JRK: variants seen among roughly 807,000 people sequenced by gnomAD.
JRK encodes jerky protein homolog.
For synonymous variants in JRK, 303 were observed against 218.1 expected (o/e 1.39, Z -3.43); for missense variants, 720 against 509.2 (o/e 1.41, Z -3.98).
At chr8:142,654,584 C>T (rs372594248), downstream of JRK, among the ~76,000 whole-genome samples, 6 of 151,994 alleles carry the variant, frequency 3.9e-5, no homozygotes, top group Admixed American at 1.3e-4. Flanking sequence ...GGAGCACAGA[C>T]TCCCACCAGC....
Position 142,663,171 on chromosome 8 carries a change from T to C in JRK, c.*1181A>G. 2 of 985,318 alleles carry C rather than the reference T, an allele frequency of 2.0e-6. No individual in the cohort carries two copies. Among genetic ancestry groups the C allele is most frequent in the Non-Finnish European group, 2.4e-6 (2 of 829,922 alleles). 61.0% of individuals were successfully genotyped at this position (985,318 alleles called of 1,614,324 possible). Reference sequence around the variant, plus strand: ...CTGCCTCAAGAAAAGAAAAGGACAATGCACCTATTTTATGCTCGCTGAAAG... The same window carrying C: ...CTGCCTCAAGAAAAGAAAAGGACAACGCACCTATTTTATGCTCGCTGAAAG... On this transcript the variant is annotated 3_prime_UTR_variant, in exon 2 of 2. Transcript: ENST00000612905.
chr8:142,651,395 G>GA, the JRK span, among the ~76,000 whole-genome samples: 610 of 135,996 alleles, frequency 4.5e-3, 4 homozygotes, highest in African/African-American at 8.4e-3. Flanking sequence ...TGTCATGCTG[G>GA]AAAAAAAAAA....
chr8:142,647,662 T>A, the JRK span, among the ~76,000 whole-genome samples: 2 of 152,214 alleles, frequency 1.3e-5, no homozygotes, highest in East Asian at 3.8e-4. Flanking sequence ...TCCATTAAAC[T>A]TCTTCCATTT....
downstream of JRK, among the ~76,000 whole-genome samples, chr8:142,654,502 G>T (rs1846715326): frequency 6.6e-6 from 1 of 151,870 alleles, no homozygotes; most frequent in Non-Finnish European, 1.5e-5. Context: ...GTCTTGGTGG[G>T]ATCCTGTCAC....
chr8:142,651,364 G>C, the JRK span, among the ~76,000 whole-genome samples: 1 of 150,290 alleles, frequency 6.7e-6, no homozygotes. Flanking sequence ...GAAAGGACTT[G>C]ATTTAGGAAC....
At position 142,664,374 on chromosome 8, in the gene JRK, G is replaced by A. The variant is rs1847015285; in HGVS notation, c.1685C>T (p.Ser562Leu). 1 of 1,570,808 alleles carries A rather than the reference G, an allele frequency of 6.4e-7. No individual in the cohort carries two copies. Among genetic ancestry groups the A allele is most frequent in the Non-Finnish European group, 8.7e-7 (1 of 1,154,954 alleles). The change falls in exon 2 of 2, where the codon TCA (serine) becomes TTA (leucine). Residue 562 changes from serine to leucine, a missense_variant. Coordinates refer to ENST00000612905, the MANE Select transcript of JRK (RefSeq NM_003724.4). ...CCATCAGTTGTCACCTGCTGTGGAT[G>A]AGCAGGGCAAGGGAGACTGAGCTGT... The part of the protein sequence containing the change: ...GATAQSPLPC[S>L]STAGDN
chr8:142,659,298 T>C lies in JRK; in HGVS notation c.*5054A>G, dbSNP rs1587515097. 9.5e-7 allele frequency: 1 copy of C among 1,047,312 alleles called. No homozygotes were observed. Among genetic ancestry groups the C allele is most frequent in the Non-Finnish European group, 1.2e-6 (1 of 867,568 alleles). 64.9% of individuals were successfully genotyped at this position (1,047,312 alleles called of 1,614,324 possible). On this transcript the variant is annotated 3_prime_UTR_variant, in exon 2 of 2. Transcript: ENST00000612905. ...TGGCTTAGGACCAGGGCAAGACGCC[T>C]GACCCCAGAGCAGACCATGCTGACA...
At chr8:142,667,841 T>C (rs1472908010) in intron 1 of JRK, among the ~76,000 whole-genome samples, 1 of 152,112 alleles carries the variant, frequency 6.6e-6, no homozygotes, top group African/African-American at 2.4e-5. Flanking sequence ...AGGTGGACAA[T>C]TTCACCCTCT....
At chr8:142,646,683 G>C in the JRK span, among the ~76,000 whole-genome samples, 2 of 152,086 alleles carry the variant, frequency 1.3e-5, no homozygotes, top group Non-Finnish European at 1.5e-5. Flanking sequence ...TTTTACTTAA[G>C]TTACATAAAC....
rs193268699 is a variant in JRK at position 142,662,506 on chromosome 8, T to C, written c.*1846A>G. On this transcript the variant is annotated 3_prime_UTR_variant, in exon 2 of 2. Transcript: ENST00000612905. ...GTTCCCCAGACAATGAAGCAAACAG[T>C]GCGGGTGACACCACAAAGACAATGG... 3 of 985,410 alleles carry C rather than the reference T, an allele frequency of 3.0e-6. No individual in the cohort carries two copies. The East Asian group carries it at 3.4e-4, about 112-fold the overall frequency. 61.0% of individuals were successfully genotyped at this position (985,410 alleles called of 1,614,324 possible). A position where few individuals can be genotyped will look rare whatever the true frequency, so the allele number is the denominator to read the frequency against.
Position 142,662,820 on chromosome 8 carries a change from G to A in JRK, c.*1532C>T, listed in dbSNP as rs1362631101. 2.3e-5 allele frequency: 23 copies of A among 985,288 alleles called. No individual in the cohort carries two copies. The highest frequency in any genetic ancestry group is 1.1e-5 in the Non-Finnish European group (9 of 829,916). The allele number at this position is 985,288 out of a possible 1,614,324, so 61.0% of individuals were successfully genotyped here. A position where few individuals can be genotyped will look rare whatever the true frequency, so the allele number is the denominator to read the frequency against. On this transcript the variant is annotated 3_prime_UTR_variant, in exon 2 of 2. Transcript: ENST00000612905. ...TCGGCCAAATGATATGAATTTAAGA[G>A]AGGAAAAGAATTCAAGGGCAAAGCA... is the stretch of plus-strand genomic sequence containing the variant.
the JRK span, among the ~76,000 whole-genome samples, chr8:142,646,175 C>A: frequency 9.9e-5 from 15 of 152,150 alleles, no homozygotes; most frequent in Non-Finnish European, 2.1e-4. Flanking sequence ...CTACAATAGT[C>A]ATCATTTAAA....
At position 142,662,809 on chromosome 8, in the gene JRK, T is replaced by G. The variant is rs1471330898; in HGVS notation, c.*1543A>C. 2 of 985,392 alleles carry G rather than the reference T, an allele frequency of 2.0e-6. No homozygotes were observed. The highest frequency in any genetic ancestry group is 2.3e-4 in the East Asian group (2 of 8,800). The allele number at this position is 985,392 out of a possible 1,614,324, so 61.0% of individuals were successfully genotyped here. On this transcript the variant is annotated 3_prime_UTR_variant, in exon 2 of 2. Coordinates refer to ENST00000612905, the MANE Select transcript of JRK (RefSeq NM_003724.4). ...TACGTGCTGACTCGGCCAAATGATA[T>G]GAATTTAAGAGAGGAAAAGAATTCA... is the stretch of plus-strand genomic sequence containing the variant.
chr8:142,661,204 C>T lies in JRK; in HGVS notation c.*3148G>A. 1.0e-6 allele frequency: 1 copy of T among 985,514 alleles called. No homozygotes were observed. The highest frequency in any genetic ancestry group is 1.2e-6 in the Non-Finnish European group (1 of 830,014). 61.0% of individuals were successfully genotyped at this position (985,514 alleles called of 1,614,324 possible). A position where few individuals can be genotyped will look rare whatever the true frequency, so the allele number is the denominator to read the frequency against. On this transcript the variant is annotated 3_prime_UTR_variant, in exon 2 of 2. Transcript: ENST00000612905. Reference sequence around the variant, plus strand: ...GACAGACAACTTCCAGGACAGCGTGCCTGGGGTGCTCGCAGAAGGCCAGGC... The same window carrying T: ...GACAGACAACTTCCAGGACAGCGTGTCTGGGGTGCTCGCAGAAGGCCAGGC...
rs1334750634 is a variant in JRK at position 142,657,998 on chromosome 8, G to A, written c.*6354C>T. 6.6e-6 allele frequency: 1 copy of A among 152,314 alleles called. No individual in the cohort carries two copies. The highest frequency in any genetic ancestry group is 6.5e-5 in the Admixed American group (1 of 15,292). The allele number at this position is 152,314 out of a possible 1,614,324, so 9.4% of individuals were successfully genotyped here. A position where few individuals can be genotyped will look rare whatever the true frequency, so the allele number is the denominator to read the frequency against. ...TATGGTGGGAATCCTCCAGGCCCTG[G>A]CCATGAGGTGCTCCGTATTTATTGC... On this transcript the variant is annotated 3_prime_UTR_variant, in exon 2 of 2. Coordinates refer to ENST00000612905, the MANE Select transcript of JRK (RefSeq NM_003724.4).
At position 142,665,019 on chromosome 8, in the gene JRK, G is replaced by A. The variant is rs782313681; in HGVS notation, c.1040C>T (p.Pro347Leu). The change falls in exon 2 of 2, where the codon CCG becomes CTG. Residue 347 changes from proline (P) to leucine (L), a missense_variant. Physicochemically the swap from Pro to Leu is moderately conservative, Grantham distance 98. Transcript: ENST00000612905. ...GGCGTGGGGGCCCTGCAGGGGGACC[G>A]GAGGGTTAATGAAGTTCCTCATGAA... is the stretch of plus-strand genomic sequence containing the variant. ...RDFMRNFINP[P>L]VPLQGPHARY... 5.7e-5 allele frequency: 41 copies of A among 715,726 alleles called. No homozygotes were observed. The highest frequency in any genetic ancestry group is 1.4e-4 in the African/African-American group (8 of 57,236). The allele number at this position is 715,726 out of a possible 1,614,324, so 44.3% of individuals were successfully genotyped here. A position where few individuals can be genotyped will look rare whatever the true frequency, so the allele number is the denominator to read the frequency against.
chr8:142,664,867 C>A lies in JRK; in HGVS notation c.1192G>T (p.Glu398Ter), dbSNP rs1322702466. The A allele has an allele frequency of 6.9e-7, 1 of 1,458,546 alleles. No homozygotes were observed. The highest frequency in any genetic ancestry group is 1.1e-5 in the South Asian group (1 of 87,102). 90.4% of individuals were successfully genotyped at this position (1,458,546 alleles called of 1,614,324 possible). ...SVAFAEGSSS[E>*]EELEAECFPV... ...AAGCACTCTGCCTCCAACTCCTCCT[C>A]AGAGGAGGAGCCTTCGGCAAACGCA... The change falls in exon 2 of 2, where the codon GAG (glutamate) becomes TAG (stop). Residue 398 changes from glutamate to a stop codon, truncating the protein, a stop_gained. Coordinates refer to ENST00000612905, the MANE Select transcript of JRK (RefSeq NM_003724.4). LOFTEE classifies it low-confidence loss of function (END_TRUNC).
chr8:142,647,492 T>C, the JRK span, among the ~76,000 whole-genome samples: 1 of 152,176 alleles, frequency 6.6e-6, no homozygotes, highest in African/African-American at 2.4e-5. Flanking sequence ...CATGCTGTTC[T>C]TGTGATAGTA....
rs999361106 is a variant in JRK, at chr8:142,658,607, G to A, written c.*5745C>T. The A allele has an allele frequency of 4.9e-5, 19 of 386,500 alleles. No homozygotes were observed. The highest frequency in any genetic ancestry group is 2.6e-4 in the East Asian group (5 of 19,524). The allele number at this position is 386,500 out of a possible 1,614,324, so 23.9% of individuals were successfully genotyped here. On this transcript the variant is annotated 3_prime_UTR_variant, in exon 2 of 2. Coordinates refer to ENST00000612905, the MANE Select transcript of JRK (RefSeq NM_003724.4). The stretch of plus-strand genomic sequence containing the variant: ...TTTCTTATAAGGACTCGATCTCATC[G>A]GCGAGCCCCACCCTCACGATCTCAC...
Sources: allele counts gnomAD v4.1 joint callset (sites outside exome capture counted in the v4.1 genomes callset), GRCh38; gene constraint gnomAD v4.1.1; transcripts MANE v1.5; gene names NCBI Gene and HGNC (gene_info 2026-07-23, HGNC 2026-07-21).